The following TIAM2 variants were observed in gnomAD, a reference collection of about 807,000 sequenced individuals.
TIAM2 encodes the protein rho guanine nucleotide exchange factor TIAM2.
Under a neutral mutation model 152.9 loss-of-function variants are expected in TIAM2, and 80 were observed. The ratio of observed to expected loss-of-function variants is 0.52; its 90% confidence interval spans 0.44 to 0.63. The LOEUF is 0.63. Among genes scored for constraint, TIAM2 ranks in the 30% least tolerant of loss-of-function variants. The pLI, the probability that TIAM2 is intolerant of heterozygous loss-of-function variation, is 0.00. For synonymous variants in TIAM2, 804 were observed against 838.0 expected, an observed-to-expected ratio of 0.96 and a Z score of 0.70; for missense variants, 1,965 against 2,120.1, an observed-to-expected ratio of 0.93 and a Z score of 1.44.
At chr6:155,106,819 GCCT>G (rs1385496166) in intron 2 of TIAM2, among the ~76,000 whole-genome samples, 3 of 152,240 alleles carry the variant, frequency 2.0e-5, no homozygotes, top group African/African-American at 7.2e-5. Context: ...GGCGAGCCTG[GCCT>G]CTCCGAGGCA....
At chr6:155,034,452 A>G (rs1321264020) in intron 1 of TIAM2, among the ~76,000 whole-genome samples, 1 of 151,900 alleles carries the variant, frequency 6.6e-6, no homozygotes, top group Non-Finnish European at 1.5e-5. Flanking sequence ...ATGGAGTTTC[A>G]CCATGTTGGC....
chr6:155,194,932 T>G (rs2115173514), intron 14 of TIAM2, among the ~76,000 whole-genome samples: 1 of 152,278 alleles, frequency 6.6e-6, no homozygotes, highest in East Asian at 1.9e-4. Context: ...GGCTTCCCCC[T>G]TTGCTGGGCA....
chr6:155,119,244 A>T (rs1779093760), intron 2 of TIAM2, among the ~76,000 whole-genome samples: 1 of 152,112 alleles, frequency 6.6e-6, no homozygotes, highest in Admixed American at 6.5e-5. Context: ...TGTGTTGGCC[A>T]GGCTGGTCTC....
chr6:155,232,266 G>GT (rs1327268120), intron 15 of TIAM2, among the ~76,000 whole-genome samples: 2 of 142,814 alleles, frequency 1.4e-5, no homozygotes, highest in African/African-American at 5.4e-5. Context: ...GCAATTTTTA[G>GT]TGTTTTTTTT....
chr6:155,158,966 G>C (rs1204554213), intron 7 of TIAM2, among the ~76,000 whole-genome samples: 3 of 152,088 alleles, frequency 2.0e-5, no homozygotes, highest in African/African-American at 7.2e-5. Context: ...CTTGATAAAT[G>C]TGGTCAGGTA....
intron 14 of TIAM2, among the ~76,000 whole-genome samples, chr6:155,210,302 C>G (rs567322193): frequency 5.4e-5 from 8 of 149,518 alleles, no homozygotes; most frequent in Non-Finnish European, 1.0e-4. Flanking sequence ...ACCCCCTCCC[C>G]TTCCTTCCCC....
At chr6:155,223,517 A>ATTTTTTTTTTTTTTTTTTTTTTTTTTTTT (rs11389646) in intron 15 of TIAM2, among the ~76,000 whole-genome samples, 1 of 140,864 alleles carries the variant, frequency 7.1e-6, no homozygotes, top group African/African-American at 2.6e-5. Flanking sequence ...ACATCCCCAG[A>ATTTTTTTTTTTTTTTTTTTTTTTTTTTTT]TTTTTTTTTC....
chr6:155,196,405 C>T lies in TIAM2; in HGVS notation c.3064+12905C>T, dbSNP rs149852152. Among the ~76,000 whole-genome samples, 902 of 152,162 alleles carry T rather than the reference C, an allele frequency of 5.9e-3. 4 individuals carry two copies. Among genetic ancestry groups the T allele is most frequent in the African/African-American group, 0.021 (862 of 41,502 alleles). ...GAAATGAAAACTCATCTATAAAATT[C>T]CATAAGAGGTATCAAAATTAGCAAC... On this transcript the variant is annotated intron_variant, in intron 14 of 26. Coordinates refer to ENST00000682666, the MANE Select transcript of TIAM2 (RefSeq NM_012454.4).
At position 155,252,007 on chromosome 6, in the gene TIAM2, A is replaced by T. The variant is rs1404685730; in HGVS notation, c.4119+4A>T. On this transcript the variant is annotated splice_donor_region_variant and intron_variant, in intron 23 of 26. Coordinates refer to ENST00000682666, the MANE Select transcript of TIAM2 (RefSeq NM_012454.4). ...CTGCAAACTGAAAAAGAAATTGGTA[A>T]GGCAAAAATTCATTTTAATTTAAGC... The T allele has an allele frequency of 6.2e-7, 1 of 1,602,182 alleles. No homozygotes were observed. The highest frequency in any genetic ancestry group is 8.5e-7 in the Non-Finnish European group (1 of 1,174,232).
chr6:155,143,115 C>T (rs947736423), intron 5 of TIAM2, among the ~76,000 whole-genome samples: 4 of 152,128 alleles, frequency 2.6e-5, no homozygotes, highest in Non-Finnish European at 4.4e-5. Context: ...AAGGCACTTG[C>T]GAAGCACCCA....
At chr6:155,121,626 C>T (rs6936303) in intron 2 of TIAM2, among the ~76,000 whole-genome samples, 61,992 of 151,906 alleles carry the variant, frequency 0.41, 14,765 homozygotes, top group African/African-American at 0.64. Flanking sequence ...GTAGATATTG[C>T]TATGGTTAAT....
At chr6:155,019,076 C>T (rs576477133) in intron 1 of TIAM2, among the ~76,000 whole-genome samples, 37 of 151,000 alleles carry the variant, frequency 2.5e-4, no homozygotes, top group Non-Finnish European at 4.7e-4. Flanking sequence ...TGGCTCATGC[C>T]TGTAATCCCA....
chr6:155,183,427 T>C lies in TIAM2; in HGVS notation c.2991T>C (p.Ser997=), dbSNP rs1780960140. ...ACCTGTTCTCCAGGGACCAGAAGAG[T>C]CTGCTGCCCCCTCCTAACCAGTCCC... The part of the protein sequence containing the change: ...DSDLFSRDQK[S]LLPPPNQSQL... The change falls in exon 14 of 27, where the codon AGT becomes AGC. Residue 997 remains serine, a synonymous_variant. Transcript: ENST00000682666. The C allele has an allele frequency of 6.2e-7, 1 of 1,613,926 alleles. No individual in the cohort carries two copies. Among genetic ancestry groups the C allele is most frequent in the Non-Finnish European group, 8.5e-7 (1 of 1,179,990 alleles).
intron 7 of TIAM2, among the ~76,000 whole-genome samples, chr6:155,155,057 T>G (rs1019374169): frequency 1.3e-5 from 2 of 151,754 alleles, no homozygotes; most frequent in Non-Finnish European, 2.9e-5. Context: ...GGAGATAAAG[T>G]CAGATTGTGG....
chr6:155,009,449 T>C (rs962005756), intron 1 of TIAM2, among the ~76,000 whole-genome samples: 1 of 152,072 alleles, frequency 6.6e-6, no homozygotes, highest in Non-Finnish European at 1.5e-5. Context: ...ATCTCTATGA[T>C]GTTTCTAGGT....
intron 2 of TIAM2, among the ~76,000 whole-genome samples, chr6:155,108,505 G>T (rs1027160232): frequency 6.6e-6 from 1 of 152,168 alleles, no homozygotes; most frequent in Non-Finnish European, 1.5e-5. Flanking sequence ...GTCCATTGAA[G>T]AACTTAATGA....
At chr6:155,234,331 ACT>A (rs1167168222) in intron 15 of TIAM2, among the ~76,000 whole-genome samples, 4 of 152,232 alleles carry the variant, frequency 2.6e-5, no homozygotes, top group Non-Finnish European at 5.9e-5. Context: ...ATAGAGCCTC[ACT>A]CTGTCACTCA....
rs1783557177 is a variant in TIAM2 at position 155,250,029 on chromosome 6, CCTT to C, written c.3951+63_3951+65del. ...CATGTGGTGTGGGGTCTGTAGGTGA[CCTT>C]CTAGATAGGCTGCCCTGTTAGGACT... On this transcript the variant is annotated intron_variant, in intron 21 of 26. Transcript: ENST00000682666. The C allele has an allele frequency of 1.1e-5, 14 of 1,311,416 alleles. No individual in the cohort carries two copies. The South Asian group carries it at 1.9e-4, about 18-fold the overall frequency. The allele number at this position is 1,311,416 out of a possible 1,614,324, so 81.2% of individuals were successfully genotyped here. A position where few individuals can be genotyped will look rare whatever the true frequency, so the allele number is the denominator to read the frequency against.
At chr6:155,074,073 T>G (rs1473878313) in intron 1 of TIAM2, among the ~76,000 whole-genome samples, 2 of 152,200 alleles carry the variant, frequency 1.3e-5, no homozygotes, top group East Asian at 3.8e-4. Flanking sequence ...CTATCCTGTA[T>G]TGATGACACC....
Sources: allele counts gnomAD v4.1 joint callset (sites outside exome capture counted in the v4.1 genomes callset), GRCh38; gene constraint gnomAD v4.1.1; transcripts MANE v1.5; gene names NCBI Gene and HGNC (gene_info 2026-07-23, HGNC 2026-07-21).